The following MRPL3 variants were observed in gnomAD, a reference collection of about 807,000 sequenced individuals.
MRPL3 encodes mitochondrial ribosomal protein L3.
In MRPL3, 43 loss-of-function variants were observed where a neutral mutation model predicts 44.3. The observed-to-expected ratio is 0.97, with a 90% CI of 0.76 to 1.25. MRPL3 has a LOEUF of 1.25. Among genes scored for constraint, MRPL3 ranks in the 50% most tolerant of loss-of-function variants. MRPL3 has a pLI of 0.00. For missense variants in MRPL3, 406 were observed against 427.6 expected, an observed-to-expected ratio of 0.95 and a Z score of 0.45; for synonymous variants, 171 against 152.3, an observed-to-expected ratio of 1.12 and a Z score of -0.91.
chr3:131,477,566 A>G (rs959771064), intron 6 of MRPL3, among the ~76,000 whole-genome samples: 5 of 152,188 alleles, frequency 3.3e-5, no homozygotes, highest in African/African-American at 1.2e-4. Context: ...ATAAATCCCT[A>G]TGTATCCATC....
Position 131,462,877 on chromosome 3 carries a change from T to C in MRPL3, c.895-2A>G, listed in dbSNP as rs755552703. 3.1e-6 allele frequency: 5 copies of C among 1,602,934 alleles called. No homozygotes were observed. Among genetic ancestry groups the C allele is most frequent in the Non-Finnish European group, 1.7e-6 (2 of 1,173,368 alleles). On this transcript the variant is annotated splice_acceptor_variant, in intron 9 of 9. Transcript: ENST00000264995. LOFTEE classifies it high-confidence loss of function. ...TGCAGGCAGTTTAGAATCTTTGACC[T>C]GAGAGAAGGCAAAAATCTTAGTGAA... is the stretch of plus-strand genomic sequence containing the variant.
At chr3:131,474,661 A>T (rs1033480862) in intron 6 of MRPL3, among the ~76,000 whole-genome samples, 1 of 152,156 alleles carries the variant, frequency 6.6e-6, no homozygotes, top group Non-Finnish European at 1.5e-5. Context: ...CATAAATACA[A>T]CTGCAATGTG....
At chr3:131,479,565 C>A (rs951519926) in intron 6 of MRPL3, among the ~76,000 whole-genome samples, 2 of 152,122 alleles carry the variant, frequency 1.3e-5, no homozygotes, top group Non-Finnish European at 2.9e-5. Context: ...TGAAATCGGG[C>A]CGGGCATGGT....
At chr3:131,477,720 A>C (rs2110701097) in intron 6 of MRPL3, among the ~76,000 whole-genome samples, 1 of 152,332 alleles carries the variant, frequency 6.6e-6, no homozygotes, top group South Asian at 2.1e-4. Flanking sequence ...GAGATCTCTA[A>C]AAGATAAGAA....
chr3:131,499,470 G>A (rs1255507258), intron 3 of MRPL3, among the ~76,000 whole-genome samples: 13 of 152,086 alleles, frequency 8.5e-5, no homozygotes, highest in Admixed American at 8.5e-4. Context: ...AATCCCACCA[G>A]CCATTACTGA....
Position 131,469,718 on chromosome 3 carries a change from T to C in MRPL3, c.794A>G (p.Tyr265Cys). Reference sequence around the variant, plus strand: ...TACTTTCAGTCCATATTCTGTCCTGTATATGTTTCCCATTTTTCCAGGCAT... The same window carrying C: ...TACTTTCAGTCCATATTCTGTCCTGCATATGTTTCCCATTTTTCCAGGCAT... ...TKMPGKMGNI[Y>C]RTEYGLKVWR... The change falls in exon 8 of 10, where the codon TAC (tyrosine) becomes TGC (cysteine). Residue 265 changes from tyrosine (Y) to cysteine (C), a missense_variant. Tyr to Cys is a radical substitution (Grantham distance 194). Coordinates refer to ENST00000264995, the MANE Select transcript of MRPL3 (RefSeq NM_007208.4). 2 of 1,612,006 alleles carry C rather than the reference T, an allele frequency of 1.2e-6. No homozygotes were observed. The highest frequency in any genetic ancestry group is 1.7e-6 in the Non-Finnish European group (2 of 1,178,652).
At chr3:131,473,796 G>A (rs544372531) in intron 6 of MRPL3, among the ~76,000 whole-genome samples, 2 of 151,942 alleles carry the variant, frequency 1.3e-5, no homozygotes, top group East Asian at 3.9e-4. Flanking sequence ...AAATGGCCAA[G>A]TATATGAAAA....
chr3:131,484,203 G>A (rs1934059745), intron 6 of MRPL3, among the ~76,000 whole-genome samples: 1 of 152,174 alleles, frequency 6.6e-6, no homozygotes, highest in South Asian at 2.1e-4. Flanking sequence ...AGGAAAAGTG[G>A]TTTAACTGAT....
Position 131,490,066 on chromosome 3 carries a change from T to C in MRPL3, c.483A>G (p.Ile161Met), listed in dbSNP as rs1230435389. The change falls in exon 5 of 10, where the codon ATA (isoleucine) becomes ATG (methionine). Residue 161 changes from isoleucine to methionine, a missense_variant. By Grantham distance (10) the Ile-to-Met change is conservative (BLOSUM62 1). Transcript: ENST00000264995. ...TVSRFRKATS[I>M]LEFYRELGLP... ...ATCCAAGTTCCCGGTAAAATTCCAA[T>C]ATGGATGTAGCTTTCTAGAGGAAAA... is the stretch of plus-strand genomic sequence containing the variant. The C allele has an allele frequency of 1.2e-6, 2 of 1,607,616 alleles. No homozygotes were observed. The highest frequency in any genetic ancestry group is 1.1e-5 in the South Asian group (1 of 90,922).
At chr3:131,479,936 T>A (rs1279736884) in intron 6 of MRPL3, among the ~76,000 whole-genome samples, 2 of 152,044 alleles carry the variant, frequency 1.3e-5, no homozygotes, top group African/African-American at 2.4e-5. Flanking sequence ...AAAGAAATTC[T>A]GGTAGGATAT....
chr3:131,468,489 T>C (rs1480898783), intron 8 of MRPL3, among the ~76,000 whole-genome samples: 1 of 152,142 alleles, frequency 6.6e-6, no homozygotes. Flanking sequence ...ATTTTATTTT[T>C]AGTTAATACT....
chr3:131,477,025 C>CT (rs372014742), intron 6 of MRPL3, among the ~76,000 whole-genome samples: 1,616 of 152,334 alleles, frequency 0.011, 26 homozygotes, highest in African/African-American at 0.035. Flanking sequence ...ATGTTTCCCG[C>CT]TGAATTCTAT....
chr3:131,476,408 A>C (rs569819886), intron 6 of MRPL3, among the ~76,000 whole-genome samples: 2 of 152,306 alleles, frequency 1.3e-5, no homozygotes, highest in Admixed American at 1.3e-4. Flanking sequence ...GAAATGAACT[A>C]ATCTATACTT....
intron 3 of MRPL3, among the ~76,000 whole-genome samples, chr3:131,498,498 C>T (rs1301831752): frequency 6.0e-5 from 9 of 151,134 alleles, no homozygotes; most frequent in African/African-American, 9.7e-5. Context: ...GTCAGGAGAT[C>T]GAGACCATCC....
At chr3:131,501,892 A>T (rs1934505353) in intron 1 of MRPL3, 177 bp from the exon 2 acceptor site, 2 of 1,538,254 alleles carry the variant, frequency 1.3e-6, no homozygotes, top group African/African-American at 2.7e-5. Context: ...ATTCCTTCGG[A>T]TAAGGCTCAC....
At chr3:131,476,863 GA>G (rs1933864173) in intron 6 of MRPL3, among the ~76,000 whole-genome samples, 2 of 152,190 alleles carry the variant, frequency 1.3e-5, no homozygotes, top group Admixed American at 1.3e-4. Flanking sequence ...TGTGTCCAGG[GA>G]AGACAGGGGA....
intron 8 of MRPL3, among the ~76,000 whole-genome samples, 174 bp downstream of exon 8, chr3:131,469,522 C>A (rs1026547954): frequency 2.3e-5 from 3 of 128,854 alleles, no homozygotes; most frequent in African/African-American, 9.2e-5. Context: ...ACCATTACTA[C>A]AACTAGAGTG....
At position 131,501,584 on chromosome 3, in the gene MRPL3, C is replaced by T. The variant is rs151331067; in HGVS notation, c.224G>A (p.Ser75Asn). 4,562 of 1,612,184 alleles carry T rather than the reference C, an allele frequency of 2.8e-3. 11 individuals are homozygous for T. The highest frequency in any genetic ancestry group is 3.6e-3 in the Non-Finnish European group (4,193 of 1,179,944). Residue 75 changes from serine to asparagine, a missense_variant, in exon 2 of 10, where the codon AGT (serine) becomes AAT (asparagine). Transcript: ENST00000264995. ...TTCATCTTTCAGAGGACACAGTTTA[C>T]TTGCTAATTGGGCTTTATCTTCATC... ...VSDEDKAQLA[S>N]KLCPLKDEPW...
intron 5 of MRPL3, 87 bp downstream of exon 5, chr3:131,489,894 A>C (rs916053509): frequency 1.4e-6 from 1 of 734,370 alleles, no homozygotes; most frequent in African/African-American, 1.8e-5. Context: ...TTTGCATTTT[A>C]GATGTAGCTT....
Sources: gnomAD v4.1 joint callset for allele counts (sites outside exome capture counted in the v4.1 genomes callset) on GRCh38, gnomAD v4.1.1 for gene constraint, MANE v1.5 for transcripts, NCBI Gene and HGNC (gene_info 2026-07-23, HGNC 2026-07-21) for gene names.